SLC11A1: variants seen among roughly 807,000 people sequenced by gnomAD.
SLC11A1 encodes the protein solute carrier family 11 member 1.
SLC11A1 carries 59 observed loss-of-function variants against 63.2 expected under a neutral mutation model. The observed-to-expected ratio is 0.93, with a 90% CI of 0.76 to 1.16. The LOEUF is 1.16. Ranked by LOEUF, SLC11A1 falls within the 50% of genes most tolerant of loss-of-function variation. SLC11A1 has a pLI of 0.00. For synonymous variants in SLC11A1, 305 were observed against 307.8 expected, an observed-to-expected ratio of 0.99 and a Z score of 0.09; for missense variants, 688 against 730.7, an observed-to-expected ratio of 0.94 and a Z score of 0.67.
chr2:218,384,810 A>T lies in SLC11A1; in HGVS notation c.274-337A>T, dbSNP rs921079343. Reference sequence around the variant, plus strand: ...ACTGTGTGGGCCAGGCTGGTCTTGAACTCCTGACCTCAAGTGATCCACCGC... The same window carrying T: ...ACTGTGTGGGCCAGGCTGGTCTTGATCTCCTGACCTCAAGTGATCCACCGC... On this transcript the variant is annotated intron_variant, in intron 3 of 14. Coordinates refer to ENST00000233202, the MANE Select transcript of SLC11A1 (RefSeq NM_000578.4). The surrounding 1 kb of genome is among the most constrained non-coding windows in gnomAD (Gnocchi z 4.0). 1 of 309,864 alleles carries T rather than the reference A, an allele frequency of 3.2e-6. No individual in the cohort carries two copies. The highest frequency in any genetic ancestry group is 6.2e-6 in the Non-Finnish European group (1 of 160,210). The allele number at this position is 309,864 out of a possible 1,614,324, so 19.2% of individuals were successfully genotyped here.
In SLC11A1 at chr2:218,396,382, C is replaced by A. The variant is rs1460200774; in HGVS notation, c.*1347C>A. Reference sequence around the variant, plus strand: ...GGGTCCCTCAGACCCCAGCCCAGGACCTGCGGAGGGCCGCAGCGAGGAGAG... The same window carrying A: ...GGGTCCCTCAGACCCCAGCCCAGGAACTGCGGAGGGCCGCAGCGAGGAGAG... On this transcript the variant is annotated 3_prime_UTR_variant, in exon 15 of 15. Transcript: ENST00000233202. The A allele has an allele frequency of 1.3e-5, 2 of 152,460 alleles. No homozygotes were observed. Among genetic ancestry groups the A allele is most frequent in the African/African-American group, 4.8e-5 (2 of 41,474 alleles). 9.4% of individuals were successfully genotyped at this position (152,460 alleles called of 1,614,324 possible).
chr2:218,384,488 G>C lies in SLC11A1; in HGVS notation c.273+123G>C, dbSNP rs970845008. On this transcript the variant is annotated intron_variant, in intron 3 of 14. Transcript: ENST00000233202. This position sits in a 1 kb window ranked among gnomAD's most constrained non-coding sequence, Gnocchi z 4.0. ...TGGGAGCTGGTGTTAAGTTCAAATG[G>C]GCCCGAAAAGGGTCCCCAGGGCAGC... 1.6e-6 allele frequency: 2 copies of C among 1,244,226 alleles called. No homozygotes were observed. The highest frequency in any genetic ancestry group is 2.2e-6 in the Non-Finnish European group (2 of 915,638). 77.1% of individuals were successfully genotyped at this position (1,244,226 alleles called of 1,614,324 possible).
In SLC11A1 at chr2:218,384,232, C is replaced by A; in HGVS notation, c.151-11C>A. On this transcript the variant is annotated splice_polypyrimidine_tract_variant and intron_variant, in intron 2 of 14. Transcript: ENST00000233202. This position sits in a 1 kb window ranked among gnomAD's most constrained non-coding sequence, Gnocchi z 4.0. Reference sequence around the variant, plus strand: ...GGACCCCCTCACTCTACTCCTCCCACCCCCCAACAGGGCACCTTCAGCCTG... The same window carrying A: ...GGACCCCCTCACTCTACTCCTCCCAACCCCCAACAGGGCACCTTCAGCCTG... 6.3e-7 allele frequency: 1 copy of A among 1,584,156 alleles called. No individual in the cohort carries two copies. The highest frequency in any genetic ancestry group is 8.6e-7 in the Non-Finnish European group (1 of 1,159,410).
rs371722637 is a variant in SLC11A1, at chr2:218,391,440, C to T, written c.1109C>T (p.Ala370Val). 5.6e-6 allele frequency: 9 copies of T among 1,613,406 alleles called. No individual in the cohort carries two copies. Among genetic ancestry groups the T allele is most frequent in the Admixed American group, 1.7e-5 (1 of 59,952 alleles). ...TACATCTGGGCCATAGGTCTCCTGG[C>T]GGCTGGGCAGAGCTCCACCATGACG... ...ALYIWAIGLLAAGQSSTMTGT... is the reference protein window; with the variant it reads ...ALYIWAIGLLVAGQSSTMTGT... Residue 370 changes from alanine (A) to valine (V), a missense_variant, in exon 11 of 15, where the codon GCG becomes GTG. Coordinates refer to ENST00000233202, the MANE Select transcript of SLC11A1 (RefSeq NM_000578.4).
chr2:218,394,487 G>A, intron 13 of SLC11A1, 145 bp from the exon 14 acceptor site: 1 of 901,236 alleles, frequency 1.1e-6, no homozygotes. Flanking sequence ...GTGGGGAGGG[G>A]GTCTGTCTGC....
chr2:218,385,459 CA>C (rs1696043823), intron 4 of SLC11A1, 193 bp downstream of exon 4: 1 of 680,338 alleles, frequency 1.5e-6, no homozygotes, highest in African/African-American at 1.8e-5. Context: ...GGTGCGATGT[CA>C]GCTCACTGCA....
rs371794439 is a variant in SLC11A1, at chr2:218,393,140, G to A, written c.1314+10G>A. The A allele has an allele frequency of 6.4e-6, 10 of 1,553,786 alleles. No homozygotes were observed. Among genetic ancestry groups the A allele is most frequent in the Admixed American group, 1.9e-5 (1 of 53,788 alleles). The stretch of plus-strand genomic sequence containing the variant: ...GCTGCAGAGCCTGCTGGTGAGATGC[G>A]CCAACCCCACCAGCCCTGCCCACTG... On this transcript the variant is annotated intron_variant, in intron 12 of 14. Coordinates refer to ENST00000233202, the MANE Select transcript of SLC11A1 (RefSeq NM_000578.4).
At chr2:218,387,523 T>G (rs768193791) in intron 6 of SLC11A1, 42 bp from the exon 7 acceptor site, 2 of 1,607,266 alleles carry the variant, frequency 1.2e-6, no homozygotes, top group Non-Finnish European at 8.5e-7. Flanking sequence ...TGTCACAGAT[T>G]TTTTTCGTTG....
chr2:218,384,910 T>C lies in SLC11A1; in HGVS notation c.274-237T>C. ...CGTAATTTATTTATTTATTTAGAGA[T>C]GGGGGTCTCACTATGTTGCTCAGGC... On this transcript the variant is annotated intron_variant, in intron 3 of 14. Transcript: ENST00000233202. The surrounding 1 kb of genome is among the most constrained non-coding windows in gnomAD (Gnocchi z 4.0). 2.2e-6 allele frequency: 1 copy of C among 464,912 alleles called. No homozygotes were observed. Among genetic ancestry groups the C allele is most frequent in the Non-Finnish European group, 4.0e-6 (1 of 253,028 alleles). 28.8% of individuals were successfully genotyped at this position (464,912 alleles called of 1,614,324 possible). A position where few individuals can be genotyped will look rare whatever the true frequency, so the allele number is the denominator to read the frequency against.
At chr2:218,388,688 G>C (rs1250762338) in intron 8 of SLC11A1, among the ~76,000 whole-genome samples, 1 of 152,112 alleles carries the variant, frequency 6.6e-6, no homozygotes, top group Non-Finnish European at 1.5e-5. Context: ...TGTAATCCCA[G>C]CTACTCGGGA....
Position 218,393,197 on chromosome 2 carries a change from C to T in SLC11A1, c.1314+67C>T, listed in dbSNP as rs956475148. Reference sequence around the variant, plus strand: ...GAAACAGGACCTCCAGCAACCCCCACGCTGAGCCTTGCATGGGCCTGCCAG... The same window carrying T: ...GAAACAGGACCTCCAGCAACCCCCATGCTGAGCCTTGCATGGGCCTGCCAG... On this transcript the variant is annotated intron_variant, in intron 12 of 14. Coordinates refer to ENST00000233202, the MANE Select transcript of SLC11A1 (RefSeq NM_000578.4). 13 of 1,407,838 alleles carry T rather than the reference C, an allele frequency of 9.2e-6. No individual in the cohort carries two copies. In the Admixed American group the frequency reaches 1.4e-4, roughly 15 times the overall value. The allele number at this position is 1,407,838 out of a possible 1,614,324, so 87.2% of individuals were successfully genotyped here.
chr2:218,392,958 C>T (rs1229403282), intron 11 of SLC11A1, 23 bp from the exon 12 acceptor site: 3 of 1,570,436 alleles, frequency 1.9e-6, no homozygotes, highest in Non-Finnish European at 2.6e-6. Context: ...TACTCCTCAC[C>T]AAGGAGTTCA....
At position 218,384,847 on chromosome 2, in the gene SLC11A1, A is replaced by G. The variant is rs1443020705; in HGVS notation, c.274-300A>G. ...AAGTGATCCACCGCCTCGGCCTCCC[A>G]AAGTGCTGGGATAACAGGTGTGAGC... is the stretch of plus-strand genomic sequence containing the variant. On this transcript the variant is annotated intron_variant, in intron 3 of 14. Coordinates refer to ENST00000233202, the MANE Select transcript of SLC11A1 (RefSeq NM_000578.4). The surrounding 1 kb of genome is among the most constrained non-coding windows in gnomAD (Gnocchi z 4.0). 4.2e-5 allele frequency: 14 copies of G among 336,228 alleles called. No individual in the cohort carries two copies. Among genetic ancestry groups the G allele is most frequent in the Non-Finnish European group, 1.1e-5 (2 of 174,440 alleles). The allele number at this position is 336,228 out of a possible 1,614,324, so 20.8% of individuals were successfully genotyped here. A position where few individuals can be genotyped will look rare whatever the true frequency, so the allele number is the denominator to read the frequency against.
chr2:218,388,046 C>G (rs1696210743), intron 8 of SLC11A1, 91 bp downstream of exon 8: 1 of 1,396,254 alleles, frequency 7.2e-7, no homozygotes, highest in Non-Finnish European at 9.6e-7. Context: ...CCCTCTGGCT[C>G]CTTCCCTCAG....
At chr2:218,386,537 G>A in intron 4 of SLC11A1, 98 bp from the exon 5 acceptor site, 1 of 794,066 alleles carries the variant, frequency 1.3e-6, no homozygotes, top group Non-Finnish European at 2.1e-6. Context: ...TGGCCAGACT[G>A]TCTAGTAAAT....
In SLC11A1 at chr2:218,395,085, G is replaced by A; in HGVS notation, c.*50G>A. The A allele has an allele frequency of 1.4e-6, 2 of 1,406,542 alleles. No homozygotes were observed. Among genetic ancestry groups the A allele is most frequent in the Non-Finnish European group, 2.0e-6 (2 of 1,021,134 alleles). 87.1% of individuals were successfully genotyped at this position (1,406,542 alleles called of 1,614,324 possible). A position where few individuals can be genotyped will look rare whatever the true frequency, so the allele number is the denominator to read the frequency against. On this transcript the variant is annotated 3_prime_UTR_variant, in exon 15 of 15. Transcript: ENST00000233202. ...GTGGCATGTATGACGTGACTGGCCT[G>A]CTGGATGTGGAGGGGGCGCGTGCAG...
At chr2:218,394,071 A>G in intron 12 of SLC11A1, 49 bp from the exon 13 acceptor site, 2 of 1,603,238 alleles carry the variant, frequency 1.2e-6, no homozygotes, top group Admixed American at 1.7e-5. Context: ...CACCCTTGCC[A>G]TATTCTGAGG....
chr2:218,391,913 G>A (rs1383931900), intron 11 of SLC11A1: 3 of 265,256 alleles, frequency 1.1e-5, no homozygotes, highest in Middle Eastern at 1.4e-3. Flanking sequence ...GTGAACCACC[G>A]CACCCGGCCA....
rs1163890835 is a variant in SLC11A1 at position 218,395,266 on chromosome 2, C to G, written c.*231C>G. ...CCACCCTTGCCATGGAGGTTAAGCA[C>G]TTTAACACAGTGTCTGGCACTTGGG... On this transcript the variant is annotated 3_prime_UTR_variant, in exon 15 of 15. Coordinates refer to ENST00000233202, the MANE Select transcript of SLC11A1 (RefSeq NM_000578.4). The G allele has an allele frequency of 7.3e-6, 4 of 546,904 alleles. No individual in the cohort carries two copies. The highest frequency in any genetic ancestry group is 1.3e-5 in the Non-Finnish European group (4 of 305,342). 33.9% of individuals were successfully genotyped at this position (546,904 alleles called of 1,614,324 possible).
Sources: allele counts gnomAD v4.1 joint callset (sites outside exome capture counted in the v4.1 genomes callset), GRCh38; gene constraint gnomAD v4.1.1; non-coding constraint Gnocchi (gnomAD v3.1); transcripts MANE v1.5; gene names NCBI Gene and HGNC (gene_info 2026-07-23, HGNC 2026-07-21).